The following PAPOLG variants were observed in gnomAD, a reference collection of about 807,000 sequenced individuals.
PAPOLG encodes the protein poly(A) polymerase gamma, also known as PAP-gamma.
Under a neutral mutation model 99.0 loss-of-function variants are expected in PAPOLG, and 40 were observed. The observed-to-expected ratio is 0.40, with a 90% CI of 0.31 to 0.53. The LOEUF is 0.53. PAPOLG is among the 20% of genes least tolerant of loss of function. The pLI is 0.41. For synonymous variants in PAPOLG, 310 were observed against 299.3 expected (o/e 1.04, Z -0.37); for missense variants, 675 against 884.1 (o/e 0.76, Z 3.00).
At chr2:60,765,147 C>T (rs1670635352) in intron 3 of PAPOLG, among the ~76,000 whole-genome samples, 1 of 151,840 alleles carries the variant, frequency 6.6e-6, no homozygotes, top group Non-Finnish European at 1.5e-5. Flanking sequence ...TGGCTCACTA[C>T]AGCCTCAAAC....
At chr2:60,793,229 AAGC>A (rs1416788564) in intron 17 of PAPOLG, among the ~76,000 whole-genome samples, 1 of 150,476 alleles carries the variant, frequency 6.6e-6, no homozygotes, top group Non-Finnish European at 1.5e-5. Flanking sequence ...AAAAAAAAAA[AAGC>A]AGTGGTAAAT....
At chr2:60,774,728 T>G (rs1015539110) in intron 7 of PAPOLG, among the ~76,000 whole-genome samples, 3 of 152,206 alleles carry the variant, frequency 2.0e-5, no homozygotes, top group African/African-American at 7.2e-5. Flanking sequence ...TTACAGTATT[T>G]GTGGAAAAGG....
At chr2:60,759,666 C>T (rs763900364) in intron 1 of PAPOLG, among the ~76,000 whole-genome samples, 13 of 152,210 alleles carry the variant, frequency 8.5e-5, no homozygotes, top group Non-Finnish European at 1.9e-4. Flanking sequence ...GATTATTTCA[C>T]AAGGACCTTC....
At position 60,798,668 on chromosome 2, in the gene PAPOLG, T is replaced by G. The variant is rs1433588675; in HGVS notation, c.*1508T>G. On this transcript the variant is annotated 3_prime_UTR_variant, in exon 22 of 22. Transcript: ENST00000238714. Reference sequence around the variant, plus strand: ...TGTGGGGAAGACACCTCGTGTATTATAGGACTCACGGGATGCCATCTAGCA... The same window carrying G: ...TGTGGGGAAGACACCTCGTGTATTAGAGGACTCACGGGATGCCATCTAGCA... The G allele has an allele frequency of 6.6e-6, 1 of 152,338 alleles. No homozygotes were observed. The highest frequency in any genetic ancestry group is 1.5e-5 in the Non-Finnish European group (1 of 68,026). 9.4% of individuals were successfully genotyped at this position (152,338 alleles called of 1,614,324 possible).
At position 60,800,711 on chromosome 2, in the gene PAPOLG, A is replaced by G. The variant is rs1465082121; in HGVS notation, c.*3551A>G. The G allele has an allele frequency of 3.3e-5, 5 of 152,330 alleles. No individual in the cohort carries two copies. The highest frequency in any genetic ancestry group is 2.1e-4 in the South Asian group (1 of 4,836). The allele number at this position is 152,330 out of a possible 1,614,324, so 9.4% of individuals were successfully genotyped here. A position where few individuals can be genotyped will look rare whatever the true frequency, so the allele number is the denominator to read the frequency against. The stretch of plus-strand genomic sequence containing the variant: ...CTTAGGGAATCCTTTATAATTGTGT[A>G]TAAGAAGTTCTAGTTTACATGCATT... On this transcript the variant is annotated 3_prime_UTR_variant, in exon 22 of 22. Transcript: ENST00000238714.
intron 5 of PAPOLG, 45 bp downstream of exon 5, chr2:60,768,935 CA>C (rs1334936045): frequency 7.2e-7 from 1 of 1,383,452 alleles, no homozygotes; most frequent in Non-Finnish European, 9.8e-7. Flanking sequence ...AGATTAGTAA[CA>C]AATATCTATA....
chr2:60,793,609 AT>A lies in PAPOLG; in HGVS notation c.1680-15del. ...ATATTTAAATCATTTATTGATGATA[AT>A]TTAACACTTTCATTAGGAATAGTGC... On this transcript the variant is annotated splice_polypyrimidine_tract_variant and intron_variant, in intron 17 of 21. Transcript: ENST00000238714. The A allele has an allele frequency of 6.2e-7, 1 of 1,612,012 alleles. No homozygotes were observed. Among genetic ancestry groups the A allele is most frequent in the Non-Finnish European group, 8.5e-7 (1 of 1,179,070 alleles).
intron 15 of PAPOLG, among the ~76,000 whole-genome samples, chr2:60,790,302 T>C (rs1024678458): frequency 6.6e-6 from 1 of 152,190 alleles, no homozygotes; most frequent in African/African-American, 2.4e-5. Context: ...GGACATAGTT[T>C]ATTATAAATT....
intron 10 of PAPOLG, among the ~76,000 whole-genome samples, chr2:60,781,169 A>G (rs1671176410): frequency 1.3e-5 from 2 of 152,186 alleles, no homozygotes; most frequent in African/African-American, 2.4e-5. Flanking sequence ...CAGCCTGGCC[A>G]ACGTGGTGAA....
chr2:60,782,680 A>ATTTTTTTTTTGT lies in PAPOLG; in HGVS notation c.1028-3_1028-2insTTTTTTTGTTTT, dbSNP rs1553378906. On this transcript the variant is annotated splice_polypyrimidine_tract_variant and splice_region_variant and intron_variant, in intron 11 of 21. Coordinates refer to ENST00000238714, the MANE Select transcript of PAPOLG (RefSeq NM_022894.4). Reference sequence around the variant, plus strand: ...TTTTTTTTTTTTTTTTTTTTTTTTAATTTAGGTCTTGCAGTCACAGATGAA... The same window carrying ATTTTTTTTTTGT: ...TTTTTTTTTTTTTTTTTTTTTTTTAATTTTTTTTTTGTTTTAGGTCTTGCAGTCACAGATGAA... The ATTTTTTTTTTGT allele has an allele frequency of 9.3e-7, 1 of 1,074,688 alleles. No homozygotes were observed. Among genetic ancestry groups the ATTTTTTTTTTGT allele is most frequent in the African/African-American group, 2.4e-5 (1 of 41,398 alleles). The allele number at this position is 1,074,688 out of a possible 1,614,324, so 66.6% of individuals were successfully genotyped here. A position where few individuals can be genotyped will look rare whatever the true frequency, so the allele number is the denominator to read the frequency against.
intron 7 of PAPOLG, 136 bp downstream of exon 7, chr2:60,771,766 G>A: frequency 2.2e-6 from 2 of 917,768 alleles, no homozygotes; most frequent in Non-Finnish European, 3.2e-6. Flanking sequence ...CAGATAATGT[G>A]ACCACATTTA....
chr2:60,779,504 A>T (rs1671127305), intron 8 of PAPOLG, 133 bp from the exon 9 acceptor site: 1 of 1,054,428 alleles, frequency 9.5e-7, no homozygotes. Flanking sequence ...AAAATTTCCA[A>T]CCAACCGTCT....
chr2:60,771,555 A>C lies in PAPOLG; in HGVS notation c.529A>C (p.Ile177Leu). 1 of 1,607,256 alleles carries C rather than the reference A, an allele frequency of 6.2e-7. No individual in the cohort carries two copies. The highest frequency in any genetic ancestry group is 8.5e-7 in the Non-Finnish European group (1 of 1,178,292). The stretch of plus-strand genomic sequence containing the variant: ...CTTTGCAAGACTGGCAATACAAACC[A>C]TATCAGATAATTTAGATCTAAGAGA... ...LVFARLAIQTISDNLDLRDDS... is the reference protein window; with the variant it reads ...LVFARLAIQTLSDNLDLRDDS... Residue 177 changes from isoleucine (I) to leucine (L), a missense_variant, in exon 7 of 22, where the codon ATA (isoleucine) becomes CTA (leucine). By Grantham distance (5) the Ile-to-Leu change is conservative (BLOSUM62 2). Transcript: ENST00000238714.
At position 60,797,166 on chromosome 2, in the gene PAPOLG, G is replaced by T. The variant is rs750371025; in HGVS notation, c.*6G>T. On this transcript the variant is annotated 3_prime_UTR_variant, in exon 22 of 22. Coordinates refer to ENST00000238714, the MANE Select transcript of PAPOLG (RefSeq NM_022894.4). Reference sequence around the variant, plus strand: ...GACTGACCCTTAATCGGTAAAAGCAGTGCCTCCTCACTTAAGTGAACAAGC... The same window carrying T: ...GACTGACCCTTAATCGGTAAAAGCATTGCCTCCTCACTTAAGTGAACAAGC... 1.9e-6 allele frequency: 3 copies of T among 1,613,768 alleles called. No homozygotes were observed. In the African/African-American group the frequency reaches 4.0e-5, roughly 22 times the overall value.
chr2:60,790,603 G>A (rs1671501909), intron 15 of PAPOLG, among the ~76,000 whole-genome samples: 1 of 152,132 alleles, frequency 6.6e-6, no homozygotes, highest in Admixed American at 6.6e-5. Flanking sequence ...GGGAATCTAG[G>A]GCTGTGTGGA....
chr2:60,769,860 A>G (rs1488208320), intron 5 of PAPOLG, among the ~76,000 whole-genome samples: 1 of 151,962 alleles, frequency 6.6e-6, no homozygotes, highest in African/African-American at 2.4e-5. Context: ...CTATCAACCC[A>G]TTATCTAGGT....
chr2:60,760,099 A>G (rs1487971556), intron 1 of PAPOLG, 35 bp from the exon 2 acceptor site: 6 of 1,596,056 alleles, frequency 3.8e-6, no homozygotes, highest in Non-Finnish European at 5.1e-6. Flanking sequence ...TATACTTTAA[A>G]TTTTTTGTTT....
At chr2:60,775,932 T>A (rs1368369734) in intron 8 of PAPOLG, among the ~76,000 whole-genome samples, 1 of 151,906 alleles carries the variant, frequency 6.6e-6, no homozygotes, top group Non-Finnish European at 1.5e-5. Flanking sequence ...CCCGGGTAAT[T>A]TTTTGTATTT....
intron 15 of PAPOLG, among the ~76,000 whole-genome samples, chr2:60,789,907 T>G (rs966998693): frequency 1.1e-4 from 16 of 152,116 alleles, no homozygotes; most frequent in Admixed American, 8.5e-4. Context: ...CTGGCCAACA[T>G]GGTGAAACCC....
Sources: allele counts gnomAD v4.1 joint callset (sites outside exome capture counted in the v4.1 genomes callset), GRCh38; gene constraint gnomAD v4.1.1; transcripts MANE v1.5; gene names NCBI Gene and HGNC (gene_info 2026-07-23, HGNC 2026-07-21).